The following SCUBE1 variants were observed in gnomAD, a reference collection of about 807,000 sequenced individuals.
SCUBE1 encodes signal peptide, CUB and EGF-like domain-containing protein 1.
Under a neutral mutation model 124.4 loss-of-function variants are expected in SCUBE1, and 59 were observed. The ratio of observed to expected loss-of-function variants is 0.47; its 90% CI spans 0.38 to 0.59. The LOEUF is 0.59. Ranked by LOEUF, SCUBE1 falls within the 20% of genes least tolerant of loss-of-function variation. The pLI is 0.00. For missense variants in SCUBE1, 1,150 were observed against 1,371.2 expected, an observed-to-expected ratio of 0.84 and a Z score of 2.55; for synonymous variants, 545 against 550.9, an observed-to-expected ratio of 0.99 and a Z score of 0.15.
At chr22:43,218,210 G>C (rs1921922903) in intron 15 of SCUBE1, 45 bp downstream of exon 15, 1 of 1,585,854 alleles carries the variant, frequency 6.3e-7, no homozygotes, top group South Asian at 1.1e-5. Flanking sequence ...TCATGTGCAA[G>C]GAAGGACAGA....
intron 19 of SCUBE1, 49 bp downstream of exon 19, chr22:43,209,994 G>T (rs748609595): frequency 6.5e-7 from 1 of 1,532,602 alleles, no homozygotes; most frequent in Admixed American, 1.8e-5. Flanking sequence ...CGAGACGGGG[G>T]TGCACACGCA....
At chr22:43,251,931 C>T (rs1404171907) in intron 6 of SCUBE1, among the ~76,000 whole-genome samples, 1 of 152,200 alleles carries the variant, frequency 6.6e-6, no homozygotes, top group East Asian at 1.9e-4. Context: ...TTGCCACAAG[C>T]AGGGTCCCGG....
rs189701240 is a variant in SCUBE1, at chr22:43,293,422, C to T, written c.350-2242G>A. On this transcript the variant is annotated intron_variant, in intron 3 of 21. Coordinates refer to ENST00000360835, the MANE Select transcript of SCUBE1 (RefSeq NM_173050.5). ...CCAGCCCTGCGGTCTGGCTGCAGAA[C>T]ACGCGCCTTTGGCCCCAGGCTAAGC... is the stretch of plus-strand genomic sequence containing the variant. Among the ~76,000 whole-genome samples, 15 of 152,372 alleles carry T rather than the reference C, an allele frequency of 9.8e-5. No individual in the cohort carries two copies. In the East Asian group the frequency reaches 2.9e-3, roughly 29 times the overall value.
intron 4 of SCUBE1, among the ~76,000 whole-genome samples, chr22:43,269,671 C>T (rs564783245): frequency 2.6e-5 from 4 of 152,232 alleles, no homozygotes; most frequent in Non-Finnish European, 4.4e-5. Flanking sequence ...CCTCCCTTCG[C>T]CTCATCAATA....
At chr22:43,252,527 CCTCAGTGT>C (rs1163028193) in intron 6 of SCUBE1, among the ~76,000 whole-genome samples, 2 of 152,194 alleles carry the variant, frequency 1.3e-5, no homozygotes, top group Non-Finnish European at 2.9e-5. Flanking sequence ...CTGTGAAACT[CCTCAGTGT>C]CTCAGTTTTC....
Position 43,218,519 on chromosome 22 carries a change from T to C in SCUBE1, c.1688-61A>G, listed in dbSNP as rs1601804117. 2.0e-5 allele frequency: 31 copies of C among 1,561,392 alleles called. No individual in the cohort carries two copies. In the East Asian group the frequency reaches 6.7e-4, roughly 34 times the overall value. The stretch of plus-strand genomic sequence containing the variant: ...GCAACCTTGCTAGCCGCTGCCTTCT[T>C]AGCTGAGGGCTCCCCCGTGCCAGGC... On this transcript the variant is annotated intron_variant, in intron 14 of 21. Transcript: ENST00000360835.
chr22:43,223,055 C>T, intron 11 of SCUBE1, 42 bp downstream of exon 11: 1 of 1,500,150 alleles, frequency 6.7e-7, no homozygotes, highest in Non-Finnish European at 8.9e-7. Flanking sequence ...GGAGGAAGAC[C>T]CCCCTGCCAC....
chr22:43,257,215 C>T (rs1923693837), intron 6 of SCUBE1, among the ~76,000 whole-genome samples: 1 of 152,170 alleles, frequency 6.6e-6, no homozygotes. Context: ...AGGGGCACAC[C>T]CTGGCCTCAT....
chr22:43,331,817 G>A (rs1273815096), intron 2 of SCUBE1, among the ~76,000 whole-genome samples: 3 of 152,220 alleles, frequency 2.0e-5, no homozygotes, highest in Non-Finnish European at 2.9e-5. Context: ...GCCAGTGTGG[G>A]ACTGGCCTGG....
intron 2 of SCUBE1, among the ~76,000 whole-genome samples, chr22:43,324,605 A>G (rs957980254): frequency 4.6e-5 from 7 of 152,174 alleles, no homozygotes; most frequent in African/African-American, 1.7e-4. Context: ...CAAACAAACC[A>G]GCTAAAAAAA....
chr22:43,312,595 G>C (rs892333109), intron 3 of SCUBE1, among the ~76,000 whole-genome samples: 2 of 152,176 alleles, frequency 1.3e-5, no homozygotes, highest in African/African-American at 4.8e-5. Flanking sequence ...GTTGGATGGG[G>C]TAAGACAAGG....
chr22:43,235,214 G>C (rs1422912730), intron 7 of SCUBE1, among the ~76,000 whole-genome samples: 1 of 152,208 alleles, frequency 6.6e-6, no homozygotes, highest in Non-Finnish European at 1.5e-5. Context: ...GGGGTCTTGG[G>C]CCACTGAGTG....
Position 43,310,377 on chromosome 22 carries a change from A to G in SCUBE1, c.349+9560T>C, listed in dbSNP as rs561170758. 5.5e-4 allele frequency among the ~76,000 whole-genome samples: 84 copies of G among 152,194 alleles called. 1 individual carries two copies. Among genetic ancestry groups the G allele is most frequent in the Non-Finnish European group, 4.9e-4 (33 of 68,040 alleles). ...AGGCTAGACTGTCAAACTGCCAAGC[A>G]TGGGATTCTGTCGTCTTAGGACCCA... On this transcript the variant is annotated intron_variant, in intron 3 of 21. Coordinates refer to ENST00000360835, the MANE Select transcript of SCUBE1 (RefSeq NM_173050.5).
intron 1 of SCUBE1, among the ~76,000 whole-genome samples, chr22:43,341,726 T>A (rs1424385726): frequency 6.6e-6 from 1 of 152,174 alleles, no homozygotes; most frequent in Non-Finnish European, 1.5e-5. Context: ...CTGTCTGGGC[T>A]GGAGACTCCC....
chr22:43,248,154 GTCTTGGATGTTT>G (rs1923292770), intron 6 of SCUBE1, among the ~76,000 whole-genome samples: 2 of 152,226 alleles, frequency 1.3e-5, no homozygotes, highest in African/African-American at 4.8e-5. Context: ...GTGAGATGTG[GTCTTGGATGTTT>G]AAACATTAGA....
At chr22:43,213,387 G>A (rs1189222377) in intron 16 of SCUBE1, 1 of 152,226 alleles carries the variant, frequency 6.6e-6, no homozygotes, top group Non-Finnish European at 1.5e-5. Context: ...GAAAGCTGGA[G>A]GTCTCCAGTA....
rs189971649 is a variant in SCUBE1, at chr22:43,329,759, C to T, written c.220+9345G>A. 4.7e-3 allele frequency among the ~76,000 whole-genome samples: 719 copies of T among 152,338 alleles called. 5 individuals are homozygous for T. Among genetic ancestry groups the T allele is most frequent in the African/African-American group, 0.016 (652 of 41,582 alleles). ...CCCTCTGAGACCTCCTGACCTTGCC[C>T]GTTCACACAAGGCCCCGAGTCCTCT... On this transcript the variant is annotated intron_variant, in intron 2 of 21. Coordinates refer to ENST00000360835, the MANE Select transcript of SCUBE1 (RefSeq NM_173050.5).
chr22:43,283,172 G>C (rs546435477), intron 4 of SCUBE1: 1 of 152,236 alleles, frequency 6.6e-6, no homozygotes, highest in South Asian at 2.1e-4. Context: ...TGGGCAGGAA[G>C]GTTCCTCTTC....
chr22:43,219,620 C>CCCGCCA (rs1190456275), intron 14 of SCUBE1, among the ~76,000 whole-genome samples: 66 of 151,834 alleles, frequency 4.3e-4, no homozygotes, highest in Non-Finnish European at 4.4e-5. Context: ...ATTACAGGTG[C>CCCGCCA]CTGCCACCAC....
Sources: allele counts gnomAD v4.1 joint callset (sites outside exome capture counted in the v4.1 genomes callset), GRCh38; gene constraint gnomAD v4.1.1; transcripts MANE v1.5; gene names NCBI Gene and HGNC (gene_info 2026-07-23, HGNC 2026-07-21).